ZFHX4: variants seen among roughly 807,000 people sequenced by gnomAD.
The protein encoded by ZFHX4 is zinc finger homeobox 4.
Under a neutral mutation model 267.6 loss-of-function variants are expected in ZFHX4, and 56 were observed. The observed-to-expected ratio is 0.21, with a 90% CI of 0.17 to 0.26. ZFHX4 has a LOEUF of 0.26. Ranked by LOEUF, ZFHX4 falls within the 10% of genes least tolerant of loss-of-function variation. The pLI is 1.00. For synonymous variants in ZFHX4, 1,778 were observed against 1,665.6 expected (o/e 1.07, Z -1.64); for missense variants, 4,332 against 4,420.0 (o/e 0.98, Z 0.56).
intron 4 of ZFHX4, among the ~76,000 whole-genome samples, chr8:76,812,654 C>T (rs1811406637): frequency 6.6e-6 from 1 of 151,872 alleles, no homozygotes; most frequent in Admixed American, 6.6e-5. Flanking sequence ...TTCATATGTA[C>T]CCTCAAAAAT....
intron 5 of ZFHX4, among the ~76,000 whole-genome samples, chr8:76,838,265 C>A (rs558040576): frequency 6.6e-6 from 1 of 152,252 alleles, no homozygotes; most frequent in African/African-American, 2.4e-5. Context: ...AGCTCTAGAC[C>A]TACGACATTA....
At chr8:76,710,565 T>G (rs1233170661) in intron 3 of ZFHX4, among the ~76,000 whole-genome samples, 1 of 152,236 alleles carries the variant, frequency 6.6e-6, no homozygotes, top group Non-Finnish European at 1.5e-5. Flanking sequence ...GACAGTAATC[T>G]CCTCTATAAA....
At chr8:76,795,091 A>G (rs2131814272) in intron 4 of ZFHX4, among the ~76,000 whole-genome samples, 1 of 152,276 alleles carries the variant, frequency 6.6e-6, no homozygotes, top group East Asian at 1.9e-4. Flanking sequence ...ACAAGATGCA[A>G]TCCCCACTGT....
chr8:76,704,937 C>T lies in ZFHX4; in HGVS notation c.849C>T (p.Cys283=), dbSNP rs1808208454. Residue 283 remains cysteine (C), a synonymous_variant, in exon 2 of 11, where the codon TGC becomes TGT. Transcript: ENST00000651372. ...AACCTGTTTTAATGTGTTTCTTGTG[C>T]AAGTTGTCTTTTGGTTATATCAGGT... ...KRKPVLMCFL[C]KLSFGYIRSF... The T allele has an allele frequency of 1.2e-6, 2 of 1,613,914 alleles. No individual in the cohort carries two copies. The highest frequency in any genetic ancestry group is 1.7e-6 in the Non-Finnish European group (2 of 1,179,902).
chr8:76,779,659 G>A (rs1810497753), intron 4 of ZFHX4, among the ~76,000 whole-genome samples: 1 of 152,076 alleles, frequency 6.6e-6, no homozygotes, highest in East Asian at 1.9e-4. Flanking sequence ...TAATCATTGT[G>A]TTCTTCACTT....
In ZFHX4 at chr8:76,704,559, T is replaced by C; in HGVS notation, c.471T>C (p.Asn157=). The stretch of plus-strand genomic sequence containing the variant: ...GGCAGAATGCACAGACTGGGGCAAA[T>C]AGCAAACTCTTTTCTACAGCGATGT... ...ESGQNAQTGA[N]SKLFSTAMFL... The change falls in exon 2 of 11, where the codon AAT becomes AAC. Residue 157 remains asparagine (N), a synonymous_variant. Coordinates refer to ENST00000651372, the MANE Select transcript of ZFHX4 (RefSeq NM_024721.5). 1 of 1,613,830 alleles carries C rather than the reference T, an allele frequency of 6.2e-7. No individual in the cohort carries two copies. Among genetic ancestry groups the C allele is most frequent in the Non-Finnish European group, 8.5e-7 (1 of 1,179,832 alleles).
Position 76,778,462 on chromosome 8 carries a change from G to C in ZFHX4, c.3325+23G>C, listed in dbSNP as rs369268379. The C allele has an allele frequency of 4.4e-6, 7 of 1,587,328 alleles. No homozygotes were observed. The African/African-American group carries it at 8.1e-5, about 18-fold the overall frequency. Reference sequence around the variant, plus strand: ...TTGGTGAGTAACCCTGAAGAGGGCTGTCTCTGAGCCTCCCTCCACACCACT... The same window carrying C: ...TTGGTGAGTAACCCTGAAGAGGGCTCTCTCTGAGCCTCCCTCCACACCACT... On this transcript the variant is annotated intron_variant, in intron 4 of 10. Transcript: ENST00000651372.
intron 6 of ZFHX4, among the ~76,000 whole-genome samples, chr8:76,844,712 A>T (rs1005478961): frequency 6.6e-6 from 1 of 152,122 alleles, no homozygotes; most frequent in African/African-American, 2.4e-5. Flanking sequence ...TTGTATCCCC[A>T]TATAAATGCC....
Position 76,704,320 on chromosome 8 carries a change from A to T in ZFHX4, c.232A>T (p.Lys78Ter). 1 of 1,614,000 alleles carries T rather than the reference A, an allele frequency of 6.2e-7. No individual in the cohort carries two copies. Among genetic ancestry groups the T allele is most frequent in the Non-Finnish European group, 8.5e-7 (1 of 1,179,888 alleles). Residue 78 changes from lysine (K) to a stop codon, truncating the protein, a stop_gained, in exon 2 of 11, where the codon AAG becomes TAG. Coordinates refer to ENST00000651372, the MANE Select transcript of ZFHX4 (RefSeq NM_024721.5). LOFTEE classifies it high-confidence loss of function. The part of the protein sequence containing the change: ...NAAATQVTSA[K>*]EIPCNECATS... ...AGCTGCCACTCAGGTTACCTCAGCA[A>T]AGGAGATACCCTGCAACGAATGTGC...
chr8:76,742,672 C>T (rs1025608718), intron 3 of ZFHX4, among the ~76,000 whole-genome samples: 1 of 152,140 alleles, frequency 6.6e-6, no homozygotes, highest in South Asian at 2.1e-4. Context: ...TCAAAATAAA[C>T]ACACTTAATT....
chr8:76,738,695 T>C (rs1585896848), intron 3 of ZFHX4, among the ~76,000 whole-genome samples: 1 of 115,592 alleles, frequency 8.7e-6, no homozygotes, highest in African/African-American at 3.3e-5. Context: ...CCCTCCTCCC[T>C]CCCTTTCTCT....
Position 76,851,701 on chromosome 8 carries a change from A to G in ZFHX4, c.4780A>G (p.Lys1594Glu). 1 of 1,613,954 alleles carries G rather than the reference A, an allele frequency of 6.2e-7. No individual in the cohort carries two copies. Residue 1594 changes from lysine to glutamate, a missense_variant, in exon 10 of 11, where the codon AAG becomes GAG. Physicochemically the swap from Lys to Glu is moderately conservative, Grantham distance 56 (BLOSUM62 1). This residue lies in a region of ZFHX4 where 1,371 missense variants were observed against 1,423.1 expected (regional missense o/e 0.96). Coordinates refer to ENST00000651372, the MANE Select transcript of ZFHX4 (RefSeq NM_024721.5). Reference sequence around the variant, plus strand: ...CAGCAACACAGATAACAAACCCTACAAGTGCAGCATCTGCAATGTTGCATA... The same window carrying G: ...CAGCAACACAGATAACAAACCCTACGAGTGCAGCATCTGCAATGTTGCATA... ...TNSNTDNKPYKCSICNVAYSQ... is the reference protein window; with the variant it reads ...TNSNTDNKPYECSICNVAYSQ...
chr8:76,829,803 A>G (rs1205756668), intron 4 of ZFHX4, among the ~76,000 whole-genome samples: 1 of 152,118 alleles, frequency 6.6e-6, no homozygotes, highest in Non-Finnish European at 1.5e-5. Flanking sequence ...TGGGTTACAG[A>G]GCGAGACTCC....
At chr8:76,710,507 G>A (rs1808395789) in intron 3 of ZFHX4, among the ~76,000 whole-genome samples, 1 of 152,136 alleles carries the variant, frequency 6.6e-6, no homozygotes, top group Non-Finnish European at 1.5e-5. Context: ...AAAAATGATG[G>A]TGAAAATATT....
chr8:76,837,624 AC>A (rs1309648777), intron 5 of ZFHX4, among the ~76,000 whole-genome samples: 1 of 152,126 alleles, frequency 6.6e-6, no homozygotes, highest in Non-Finnish European at 1.5e-5. Flanking sequence ...TGCTTTCTAA[AC>A]CCAATTCACT....
At chr8:76,842,944 A>G (rs1279944079) in intron 6 of ZFHX4, among the ~76,000 whole-genome samples, 173 bp downstream of exon 6, 2 of 152,106 alleles carry the variant, frequency 1.3e-5, no homozygotes, top group African/African-American at 4.8e-5. Flanking sequence ...TGTGATTTCT[A>G]TCAGTAGCCT....
intron 4 of ZFHX4, among the ~76,000 whole-genome samples, chr8:76,799,137 T>G (rs1040244643): frequency 6.6e-6 from 1 of 152,184 alleles, no homozygotes; most frequent in Non-Finnish European, 1.5e-5. Flanking sequence ...AACTTGTTTT[T>G]CCCTCGCACA....
At chr8:76,732,230 T>G (rs1259209649) in intron 3 of ZFHX4, among the ~76,000 whole-genome samples, 1 of 152,122 alleles carries the variant, frequency 6.6e-6, no homozygotes, top group East Asian at 1.9e-4. Context: ...TATTTTATCA[T>G]GAGTTGAATA....
chr8:76,854,879 T>C lies in ZFHX4; in HGVS notation c.7958T>C (p.Phe2653Ser). Residue 2653 changes from phenylalanine to serine, a missense_variant, in exon 10 of 11, where the codon TTC becomes TCC. By Grantham distance (155) the Phe-to-Ser change is radical. Around this residue, in one of 7 missense-constraint regions of ZFHX4, gnomAD observed 1,648 missense variants for 1,625.0 expected, o/e 1.01. Coordinates refer to ENST00000651372, the MANE Select transcript of ZFHX4 (RefSeq NM_024721.5). ...AAAAAAAGGGTCGTGCAAGTCTGGT[T>C]CCAGAATACACGAGCGCGGGAGAGG... ...GLKKRVVQVW[F>S]QNTRARERKG... 1 of 1,612,582 alleles carries C rather than the reference T, an allele frequency of 6.2e-7. No individual in the cohort carries two copies. Among genetic ancestry groups the C allele is most frequent in the Non-Finnish European group, 8.5e-7 (1 of 1,179,238 alleles).
Sources: allele counts gnomAD v4.1 joint callset (sites outside exome capture counted in the v4.1 genomes callset), GRCh38; gene constraint gnomAD v4.1.1; regional missense constraint gnomAD v4.1.1; transcripts MANE v1.5; gene names NCBI Gene and HGNC (gene_info 2026-07-23, HGNC 2026-07-21).